GALNTL6: variants seen among roughly 807,000 people sequenced by gnomAD.
GALNTL6 encodes the protein polypeptide N-acetylgalactosaminyltransferase-like 6.
In GALNTL6, 46 loss-of-function variants were observed where a neutral mutation model predicts 73.7. The observed-to-expected ratio is 0.62, with a 90% CI of 0.49 to 0.80. The LOEUF (loss-of-function observed/expected upper bound fraction) is 0.80. Ranked by LOEUF, GALNTL6 falls within the 30% of genes least tolerant of loss-of-function variation. GALNTL6 has a pLI of 0.00. For missense variants in GALNTL6, 604 were observed against 755.0 expected, an observed-to-expected ratio of 0.80 and a Z score of 2.34; for synonymous variants, 259 against 263.7, an observed-to-expected ratio of 0.98 and a Z score of 0.17.
Position 172,935,470 on chromosome 4 carries a change from C to CA in GALNTL6, c.1149+4209dup, listed in dbSNP as rs901254736. Among the ~76,000 whole-genome samples, 11 of 151,884 alleles carry CA rather than the reference C, an allele frequency of 7.2e-5. No homozygotes were observed. In the Middle Eastern group the frequency reaches 0.014, roughly 188 times the overall value. ...GGAGATAGAGATACCAAAAAACCTT[C>CA]AAAAAAATCAATGAATCCAGGAGCT... is the stretch of plus-strand genomic sequence containing the variant. On this transcript the variant is annotated intron_variant, in intron 9 of 12. Coordinates refer to ENST00000506823, the MANE Select transcript of GALNTL6 (RefSeq NM_001034845.3).
At chr4:171,845,511 C>A (rs1344048019) in intron 2 of GALNTL6, among the ~76,000 whole-genome samples, 1 of 152,098 alleles carries the variant, frequency 6.6e-6, no homozygotes, top group African/African-American at 2.4e-5. Flanking sequence ...TAGTCTAACT[C>A]CCTTGGATGT....
At chr4:172,474,274 A>C (rs774121936) in intron 5 of GALNTL6, among the ~76,000 whole-genome samples, 16 of 152,114 alleles carry the variant, frequency 1.1e-4, no homozygotes, top group Admixed American at 3.3e-4. Context: ...TGAACATTGC[A>C]AGCTGCCGGC....
At chr4:172,541,643 T>G (rs961246224) in intron 5 of GALNTL6, among the ~76,000 whole-genome samples, 1 of 152,224 alleles carries the variant, frequency 6.6e-6, no homozygotes, top group Non-Finnish European at 1.5e-5. Context: ...TTTGGACCTT[T>G]TGACTTAAGG....
chr4:172,872,627 A>C (rs538701299), intron 7 of GALNTL6, among the ~76,000 whole-genome samples: 1 of 152,342 alleles, frequency 6.6e-6, no homozygotes, highest in South Asian at 2.1e-4. Flanking sequence ...TCCAAAGAGT[A>C]ACTACAAGAA....
chr4:171,950,535 C>T lies in GALNTL6; in HGVS notation c.138+135817C>T, dbSNP rs1230064320. Among the ~76,000 whole-genome samples the T allele has an allele frequency of 2.7e-5, 4 of 147,492 alleles. No individual in the cohort carries two copies. The East Asian group carries it at 8.0e-4, about 30-fold the overall frequency. ...TTGCTCTGTTGCCCAGACTGGAGTG[C>T]AGTGGCTCGATCTTGGCTCACTGCA... On this transcript the variant is annotated intron_variant, in intron 2 of 12. Coordinates refer to ENST00000506823, the MANE Select transcript of GALNTL6 (RefSeq NM_001034845.3).
At chr4:172,397,767 C>T (rs1358733729) in intron 5 of GALNTL6, among the ~76,000 whole-genome samples, 1 of 151,852 alleles carries the variant, frequency 6.6e-6, no homozygotes, top group Non-Finnish European at 1.5e-5. Context: ...TTAGTAGAGA[C>T]AGGGTTTCAC....
chr4:172,625,545 A>G (rs1422273533), intron 5 of GALNTL6, among the ~76,000 whole-genome samples: 1 of 152,086 alleles, frequency 6.6e-6, no homozygotes, highest in East Asian at 1.9e-4. Flanking sequence ...ATACCCAGTA[A>G]TAAGATTGCT....
chr4:172,420,951 G>A (rs991552130), intron 5 of GALNTL6, among the ~76,000 whole-genome samples: 12 of 151,996 alleles, frequency 7.9e-5, no homozygotes, highest in Non-Finnish European at 1.8e-4. Flanking sequence ...TCATAAGTGG[G>A]AGCTTAACAA....
chr4:172,677,955 A>G (rs1732401248), intron 5 of GALNTL6, among the ~76,000 whole-genome samples: 1 of 152,176 alleles, frequency 6.6e-6, no homozygotes, highest in Admixed American at 6.5e-5. Context: ...GGAAAAGTTC[A>G]AATTGCATTT....
intron 5 of GALNTL6, among the ~76,000 whole-genome samples, chr4:172,395,726 T>C (rs1443732570): frequency 6.6e-6 from 1 of 152,164 alleles, no homozygotes; most frequent in Admixed American, 6.6e-5. Flanking sequence ...ATACAAGAGA[T>C]GAAATATTAC....
chr4:172,027,159 T>G (rs1741613278), intron 2 of GALNTL6, among the ~76,000 whole-genome samples: 1 of 152,104 alleles, frequency 6.6e-6, no homozygotes, highest in African/African-American at 2.4e-5. Flanking sequence ...TCCCAAATTA[T>G]TTCTGTGATT....
chr4:172,708,102 G>A (rs1487680925), intron 5 of GALNTL6, among the ~76,000 whole-genome samples: 1 of 152,168 alleles, frequency 6.6e-6, no homozygotes, highest in African/African-American at 2.4e-5. Context: ...CCAGGCTAGA[G>A]TGCAGTGGCA....
intron 3 of GALNTL6, among the ~76,000 whole-genome samples, chr4:172,283,603 C>A (rs1190878128): frequency 1.3e-5 from 2 of 151,918 alleles, no homozygotes; most frequent in African/African-American, 4.8e-5. Flanking sequence ...TTTAATATTT[C>A]TTGAATTTTA....
chr4:172,385,790 ATTAT>A (rs1328254812), intron 5 of GALNTL6, among the ~76,000 whole-genome samples: 1 of 151,920 alleles, frequency 6.6e-6, no homozygotes, highest in Non-Finnish European at 1.5e-5. Flanking sequence ...GAATTTGTAC[ATTAT>A]TTATTTTTAC....
intron 2 of GALNTL6, among the ~76,000 whole-genome samples, chr4:172,061,327 G>T (rs1196994337): frequency 1.3e-5 from 2 of 151,992 alleles, no homozygotes; most frequent in Non-Finnish European, 2.9e-5. Flanking sequence ...AAGGGAGAAG[G>T]TTGTTTAATG....
intron 7 of GALNTL6, among the ~76,000 whole-genome samples, chr4:172,847,361 T>C (rs1743568905): frequency 6.6e-6 from 1 of 152,174 alleles, no homozygotes. Context: ...CTTTTTAAAA[T>C]TCATATTTTC....
intron 5 of GALNTL6, among the ~76,000 whole-genome samples, chr4:172,735,824 G>A (rs1346638443): frequency 2.0e-5 from 3 of 152,088 alleles, no homozygotes; most frequent in Admixed American, 6.5e-5. Context: ...GTGTCGGCCG[G>A]TCTGAGAAAT....
intron 5 of GALNTL6, among the ~76,000 whole-genome samples, chr4:172,600,460 G>A (rs560588402): frequency 1.4e-4 from 21 of 152,154 alleles, no homozygotes; most frequent in Middle Eastern, 3.4e-3. Flanking sequence ...CTCGAGTTCC[G>A]GAAGATTATG....
At chr4:171,852,923 T>A (rs902135591) in intron 2 of GALNTL6, among the ~76,000 whole-genome samples, 1 of 151,620 alleles carries the variant, frequency 6.6e-6, no homozygotes, top group East Asian at 1.9e-4. Flanking sequence ...CTCGGCTCAC[T>A]GCAAGCTCCG....
Sources: allele counts gnomAD v4.1 joint callset (sites outside exome capture counted in the v4.1 genomes callset), GRCh38; gene constraint gnomAD v4.1.1; transcripts MANE v1.5; gene names NCBI Gene and HGNC (gene_info 2026-07-23, HGNC 2026-07-21).